Variants in KLHL5 observed in about 807,000 individuals in gnomAD.
The protein encoded by KLHL5 is kelch like family member 5, also known as kelch-like protein 5.
KLHL5 carries 48 observed loss-of-function variants against 77.7 expected under a neutral mutation model. The observed-to-expected ratio is 0.62, with a 90% confidence interval of 0.49 to 0.79. KLHL5 has a LOEUF of 0.79. KLHL5 is among the 30% of genes least tolerant of loss of function. The pLI is 0.00. For synonymous variants in KLHL5, 260 were observed against 297.0 expected (o/e 0.88, Z 1.28); for missense variants, 723 against 859.7 (o/e 0.84, Z 1.99).
intron 8 of KLHL5, among the ~76,000 whole-genome samples, chr4:39,111,758 C>T (rs1049696656): frequency 6.6e-5 from 10 of 152,038 alleles, no homozygotes; most frequent in African/African-American, 2.2e-4. Flanking sequence ...AATTTCCATA[C>T]TATTAATATA....
At chr4:39,072,583 A>G (rs6531690) in intron 1 of KLHL5, among the ~76,000 whole-genome samples, 71,265 of 151,974 alleles carry the variant, frequency 0.47, 17,434 homozygotes, top group Middle Eastern at 0.56. Context: ...TAGTGCAACT[A>G]AAGAACTGAA....
At chr4:39,106,064 T>C (rs985889020) in intron 7 of KLHL5, among the ~76,000 whole-genome samples, 1 of 152,116 alleles carries the variant, frequency 6.6e-6, no homozygotes, top group African/African-American at 2.4e-5. Context: ...TCCGAAGTCC[T>C]TACAAGAGAT....
At chr4:39,108,847 T>A (rs898669885) in intron 8 of KLHL5, among the ~76,000 whole-genome samples, 2 of 152,230 alleles carry the variant, frequency 1.3e-5, no homozygotes, top group Non-Finnish European at 2.9e-5. Context: ...CAGCAACATA[T>A]TTCTTAGCCC....
downstream of KLHL5, among the ~76,000 whole-genome samples, chr4:39,128,207 T>A (rs1389640263): frequency 1.3e-5 from 2 of 152,342 alleles, no homozygotes; most frequent in Middle Eastern, 3.4e-3. Context: ...TACCTTCACA[T>A]AATTAGCTTC....
chr4:39,065,396 C>A (rs1353849976), intron 1 of KLHL5, among the ~76,000 whole-genome samples: 2 of 150,566 alleles, frequency 1.3e-5, no homozygotes, highest in East Asian at 3.9e-4. Context: ...CGCTCTGTTA[C>A]CCAGGCTGGA....
chr4:39,073,069 T>C (rs951270227), intron 1 of KLHL5, among the ~76,000 whole-genome samples: 5 of 152,198 alleles, frequency 3.3e-5, no homozygotes, highest in African/African-American at 1.2e-4. Context: ...TAAATATATA[T>C]AATTGTTATT....
chr4:39,056,361 G>T (rs1223625701), intron 1 of KLHL5, among the ~76,000 whole-genome samples: 1 of 152,134 alleles, frequency 6.6e-6, no homozygotes, highest in African/African-American at 2.4e-5. Flanking sequence ...TCCACCCTCA[G>T]GGGTGCTGGG....
At chr4:39,076,742 G>GT (rs1719079839) in intron 2 of KLHL5, among the ~76,000 whole-genome samples, 8 of 147,732 alleles carry the variant, frequency 5.4e-5, no homozygotes, top group African/African-American at 2.0e-4. Context: ...GATTCTCAAA[G>GT]GTTTTTTTTT....
intron 2 of KLHL5, among the ~76,000 whole-genome samples, chr4:39,077,704 A>AC (rs1340280930): frequency 1.8e-3 from 266 of 151,088 alleles, no homozygotes; most frequent in African/African-American, 5.9e-3. Context: ...TAAAAAAAAA[A>AC]AAAAACAAAA....
chr4:39,107,055 T>TTTTTTC lies in KLHL5; in HGVS notation c.1526-509_1526-508insCTTTTT, dbSNP rs1553893877. Among the ~76,000 whole-genome samples the TTTTTTC allele has an allele frequency of 4.1e-5, 6 of 145,080 alleles. 1 individual carries two copies. Among genetic ancestry groups the TTTTTTC allele is most frequent in the South Asian group, 4.3e-4 (2 of 4,686 alleles). On this transcript the variant is annotated intron_variant, in intron 7 of 10. Transcript: ENST00000504108. ...CCTCTAGAACTTTTTTTTTTCTTTTTTTTTTTTTTTGAGACGGAGTCTCAC... is the reference window on the plus strand; with the variant it reads ...CCTCTAGAACTTTTTTTTTTCTTTTTTTTTTCTTTTTTTTTTGAGACGGAGTCTCAC...
At chr4:39,091,081 C>T (rs1720502269) in intron 5 of KLHL5, among the ~76,000 whole-genome samples, 3 of 151,364 alleles carry the variant, frequency 2.0e-5, no homozygotes, top group South Asian at 4.2e-4. Flanking sequence ...TCCCATCTCC[C>T]GGGTTCAAGC....
At chr4:39,105,318 T>C (rs1299742670) in intron 7 of KLHL5, among the ~76,000 whole-genome samples, 1 of 151,920 alleles carries the variant, frequency 6.6e-6, no homozygotes, top group Non-Finnish European at 1.5e-5. Context: ...GGCTAATTTT[T>C]TAATTTTTGG....
At chr4:39,087,517 T>A (rs1346615506) in intron 5 of KLHL5, among the ~76,000 whole-genome samples, 4 of 152,198 alleles carry the variant, frequency 2.6e-5, no homozygotes, top group African/African-American at 9.6e-5. Context: ...ACATCTTCCC[T>A]GACTACCTCA....
Position 39,115,266 on chromosome 4 carries a change from A to G in KLHL5, c.2009A>G (p.Tyr670Cys). Residue 670 changes from tyrosine (Y) to cysteine (C), a missense_variant, in exon 10 of 11, where the codon TAT becomes TGT. Coordinates refer to ENST00000504108, the MANE Select transcript of KLHL5 (RefSeq NM_015990.5). ...GATAAGTTATATGCTGTTGGGGGGT[A>G]TGATGGACAGGCATACCTTAATACT... ...LGDKLYAVGG[Y>C]DGQAYLNTVE... 1 of 1,614,080 alleles carries G rather than the reference A, an allele frequency of 6.2e-7. No individual in the cohort carries two copies. The highest frequency in any genetic ancestry group is 1.3e-5 in the African/African-American group (1 of 75,038).
the KLHL5 span, among the ~76,000 whole-genome samples, chr4:39,141,430 T>C: frequency 3.4e-5 from 5 of 148,186 alleles, no homozygotes; most frequent in Admixed American, 6.8e-5. Flanking sequence ...TGCCTCAGCC[T>C]CTCGAGTAGC....
Position 39,123,498 on chromosome 4 carries a change from G to T in KLHL5, c.*2432G>T, listed in dbSNP as rs1723344222. On this transcript the variant is annotated 3_prime_UTR_variant, in exon 11 of 11. Coordinates refer to ENST00000504108, the MANE Select transcript of KLHL5 (RefSeq NM_015990.5). Reference sequence around the variant, plus strand: ...GCCAAATCCAGCAGCTTATTAAAATGATCACACAGCATGACCAAGTGAGAT... The same window carrying T: ...GCCAAATCCAGCAGCTTATTAAAATTATCACACAGCATGACCAAGTGAGAT... Among the ~76,000 whole-genome samples the T allele has an allele frequency of 6.6e-6, 1 of 152,136 alleles. No homozygotes were observed. The highest frequency in any genetic ancestry group is 6.5e-5 in the Admixed American group (1 of 15,280).
chr4:39,053,511 G>A (rs1025441979), intron 1 of KLHL5, among the ~76,000 whole-genome samples: 2 of 152,174 alleles, frequency 1.3e-5, no homozygotes, highest in Non-Finnish European at 2.9e-5. Context: ...GGGTGTCTCA[G>A]CACATGCCAA....
intron 2 of KLHL5, among the ~76,000 whole-genome samples, chr4:39,078,385 CAAA>C (rs34715117): frequency 2.1e-5 from 3 of 144,672 alleles, no homozygotes; most frequent in Non-Finnish European, 1.5e-5. Context: ...GACCCTGTCT[CAAA>C]AAAAAAAAAG....
At chr4:39,046,457 A>G (rs1036626993) in intron 1 of KLHL5, among the ~76,000 whole-genome samples, 8 of 152,210 alleles carry the variant, frequency 5.3e-5, no homozygotes, top group Non-Finnish European at 1.2e-4. Context: ...CATAAGTTTC[A>G]GCCTGTTTTG....
Sources: allele counts gnomAD v4.1 joint callset (sites outside exome capture counted in the v4.1 genomes callset), GRCh38; gene constraint gnomAD v4.1.1; transcripts MANE v1.5; gene names NCBI Gene and HGNC (gene_info 2026-07-23, HGNC 2026-07-21).